Variants in PIK3CA observed in about 807,000 individuals in gnomAD.
The protein encoded by PIK3CA is phosphatidylinositol-4,5-bisphosphate 3-kinase catalytic subunit alpha.
PIK3CA carries 27 observed loss-of-function variants against 138.2 expected under a neutral mutation model. The ratio of observed to expected loss-of-function variants is 0.20; its 90% CI spans 0.14 to 0.27. The LOEUF (loss-of-function observed/expected upper bound fraction) is 0.27. PIK3CA is among the 10% of genes least tolerant of loss of function. PIK3CA has a pLI of 1.00. For synonymous variants in PIK3CA, 358 were observed against 413.2 expected (o/e 0.87, Z 1.62); for missense variants, 544 against 1,277.4 (o/e 0.43, Z 8.75).
intron 9 of PIK3CA, among the ~76,000 whole-genome samples, chr3:179,215,250 C>A (rs190543886): frequency 7.2e-5 from 11 of 152,076 alleles, no homozygotes; most frequent in African/African-American, 2.7e-4. Flanking sequence ...TTAAAAGATA[C>A]GAGTCTCTTT....
chr3:179,224,608 A>G, intron 15 of PIK3CA, 92 bp from the exon 16 acceptor site: 1 of 775,298 alleles, frequency 1.3e-6, no homozygotes, highest in Non-Finnish European at 1.9e-6. Context: ...AACACTTCAA[A>G]AAGCTATATT....
chr3:179,165,545 C>T (rs148091334), intron 1 of PIK3CA, among the ~76,000 whole-genome samples: 8 of 152,274 alleles, frequency 5.3e-5, no homozygotes, highest in Non-Finnish European at 7.4e-5. Context: ...GCATGAGCCA[C>T]TGTGTTGAGC....
At chr3:179,164,523 G>A (rs756534308) in intron 1 of PIK3CA, among the ~76,000 whole-genome samples, 1 of 152,104 alleles carries the variant, frequency 6.6e-6, no homozygotes, top group Non-Finnish European at 1.5e-5. Context: ...TATTTTATGC[G>A]ATCCTTTTCT....
intron 1 of PIK3CA, among the ~76,000 whole-genome samples, chr3:179,176,782 T>G (rs760631048): frequency 5.3e-5 from 8 of 152,202 alleles, no homozygotes; most frequent in Non-Finnish European, 8.8e-5. Flanking sequence ...ATGAATATTG[T>G]TTGGCTTACT....
At chr3:179,201,266 G>A (rs1724402859) in intron 3 of PIK3CA, 24 bp from the exon 4 acceptor site, 4 of 1,580,756 alleles carry the variant, frequency 2.5e-6, no homozygotes, top group Non-Finnish European at 3.5e-6. Flanking sequence ...GATGGTGATT[G>A]CATCTAATGT....
chr3:179,176,770 C>G (rs1723707344), intron 1 of PIK3CA, among the ~76,000 whole-genome samples: 1 of 152,108 alleles, frequency 6.6e-6, no homozygotes, highest in Non-Finnish European at 1.5e-5. Context: ...AATATTGTTG[C>G]AATGAATATT....
intron 1 of PIK3CA, among the ~76,000 whole-genome samples, chr3:179,170,674 T>G (rs1246119401): frequency 6.6e-6 from 1 of 152,132 alleles, no homozygotes; most frequent in Non-Finnish European, 1.5e-5. Context: ...CAAAATAGAT[T>G]GTAAGAAAAG....
chr3:179,223,431 A>G (rs556264664), intron 14 of PIK3CA, among the ~76,000 whole-genome samples: 2 of 152,324 alleles, frequency 1.3e-5, no homozygotes, highest in African/African-American at 2.4e-5. Context: ...GCCACATACT[A>G]AAACCTGAAT....
intron 1 of PIK3CA, among the ~76,000 whole-genome samples, chr3:179,176,250 GA>G (rs1723694672): frequency 6.6e-6 from 1 of 152,206 alleles, no homozygotes; most frequent in Non-Finnish European, 1.5e-5. Flanking sequence ...GCATGATTGG[GA>G]AGTCACTGAG....
intron 1 of PIK3CA, among the ~76,000 whole-genome samples, chr3:179,195,554 A>G (rs1166431471): frequency 6.6e-6 from 1 of 152,218 alleles, no homozygotes; most frequent in South Asian, 2.1e-4. Flanking sequence ...CCATACAACT[A>G]TAGACTAAGG....
chr3:179,176,849 C>G (rs1277340906), intron 1 of PIK3CA, among the ~76,000 whole-genome samples: 1 of 152,092 alleles, frequency 6.6e-6, no homozygotes, highest in African/African-American at 2.4e-5. Flanking sequence ...GTGGGGTTGC[C>G]TAATCTAAGA....
At chr3:179,227,197 TA>T in intron 17 of PIK3CA, among the ~76,000 whole-genome samples, 1 of 152,216 alleles carries the variant, frequency 6.6e-6, no homozygotes, top group Non-Finnish European at 1.5e-5. Context: ...GTAAAAATTT[TA>T]TTTCAAGTTT....
Position 179,235,212 on chromosome 3 carries a change from C to G in PIK3CA, c.*848C>G, listed in dbSNP as rs1245324250. The G allele has an allele frequency of 1.6e-5, 3 of 182,148 alleles. No homozygotes were observed. The highest frequency in any genetic ancestry group is 7.1e-5 in the African/African-American group (3 of 42,202). The allele number at this position is 182,148 out of a possible 1,614,324, so 11.3% of individuals were successfully genotyped here. Reference sequence around the variant, plus strand: ...TATTCACCTTAAGTTGATTTTTTTTCTCCTTCTGCAATTGAACTGAATACA... The same window carrying G: ...TATTCACCTTAAGTTGATTTTTTTTGTCCTTCTGCAATTGAACTGAATACA... On this transcript the variant is annotated 3_prime_UTR_variant, in exon 21 of 21. Coordinates refer to ENST00000263967, the MANE Select transcript of PIK3CA (RefSeq NM_006218.4).
At chr3:179,173,028 CAATT>C (rs766738588) in intron 1 of PIK3CA, among the ~76,000 whole-genome samples, 11 of 152,044 alleles carry the variant, frequency 7.2e-5, no homozygotes, top group Admixed American at 1.3e-4. Context: ...TAATATTTTT[CAATT>C]AATTTCTTAT....
chr3:179,201,131 A>T (rs1170808170), intron 3 of PIK3CA, among the ~76,000 whole-genome samples, 159 bp from the exon 4 acceptor site: 1 of 152,166 alleles, frequency 6.6e-6, no homozygotes, highest in African/African-American at 2.4e-5. Context: ...TCAGATATAA[A>T]CATTTTCTGT....
intron 14 of PIK3CA, among the ~76,000 whole-genome samples, chr3:179,223,072 G>A (rs1380264653): frequency 6.6e-6 from 1 of 152,208 alleles, no homozygotes; most frequent in Non-Finnish European, 1.5e-5. Flanking sequence ...GTTACTTTGA[G>A]TGGCTTTGTG....
chr3:179,229,892 G>T (rs1048411066), intron 18 of PIK3CA, 112 bp from the exon 19 acceptor site: 1 of 641,126 alleles, frequency 1.6e-6, no homozygotes, highest in South Asian at 2.7e-5. Flanking sequence ...CTTATTCGTT[G>T]TCAGTGATTG....
intron 1 of PIK3CA, among the ~76,000 whole-genome samples, chr3:179,150,510 TTAAC>T (rs991687997): frequency 1.3e-4 from 20 of 152,274 alleles, no homozygotes; most frequent in South Asian, 8.3e-4. Flanking sequence ...TTAAAAAAAT[TTAAC>T]TAAATTGGTT....
Position 179,152,298 on chromosome 3 carries a change from T to C in PIK3CA, c.-77+3695T>C, listed in dbSNP as rs180769199. 2.0e-4 allele frequency among the ~76,000 whole-genome samples: 30 copies of C among 152,294 alleles called. No individual in the cohort carries two copies. In the East Asian group the frequency reaches 3.1e-3, roughly 16 times the overall value. On this transcript the variant is annotated intron_variant, in intron 1 of 20. Transcript: ENST00000263967. ...ATTATTATCATATATAGTACTGCAC[T>C]GGAAATAAGGAGACTTGAATTCTTA...
Sources: allele counts gnomAD v4.1 joint callset (sites outside exome capture counted in the v4.1 genomes callset), GRCh38; gene constraint gnomAD v4.1.1; transcripts MANE v1.5; gene names NCBI Gene and HGNC (gene_info 2026-07-23, HGNC 2026-07-21).